The following CHCHD3 variants were observed in gnomAD, a reference collection of about 807,000 sequenced individuals.
CHCHD3 encodes MICOS complex subunit MIC19.
A neutral mutation model predicts 38.2 loss-of-function variants in CHCHD3; 20 were observed. That is an observed-to-expected ratio of 0.52 (90% CI 0.37 to 0.76). The LOEUF is 0.76. CHCHD3 is among the 30% of genes least tolerant of loss of function. The pLI is 0.00. For synonymous variants in CHCHD3, 82 were observed against 100.0 expected, an observed-to-expected ratio of 0.82 and a Z score of 1.07; for missense variants, 245 against 279.2, an observed-to-expected ratio of 0.88 and a Z score of 0.87.
intron 5 of CHCHD3, 127 bp downstream of exon 5, chr7:132,885,535 C>T (rs920992228): frequency 1.7e-4 from 115 of 684,996 alleles, no homozygotes; most frequent in Non-Finnish European, 2.5e-4. Context: ...ACCTGCTTTG[C>T]TTCTTCACTT....
chr7:132,914,488 A>C (rs75971155), intron 4 of CHCHD3, among the ~76,000 whole-genome samples: 1 of 152,232 alleles, frequency 6.6e-6, no homozygotes, highest in African/African-American at 2.4e-5. Flanking sequence ...TATTATGTAC[A>C]TGATTAATAG....
intron 4 of CHCHD3, among the ~76,000 whole-genome samples, chr7:132,970,317 C>T (rs533757167): frequency 6.6e-6 from 1 of 152,342 alleles, no homozygotes; most frequent in East Asian, 1.9e-4. Flanking sequence ...TATTCTTCCC[C>T]ATTTCCTCTC....
intron 6 of CHCHD3, among the ~76,000 whole-genome samples, chr7:132,805,505 G>T (rs1806895626): frequency 6.6e-6 from 1 of 152,098 alleles, no homozygotes. Context: ...GGGTTGGAAG[G>T]GTTGGGTAGT....
chr7:132,815,741 C>G (rs1807186277), intron 6 of CHCHD3: 1 of 326,148 alleles, frequency 3.1e-6, no homozygotes, highest in Non-Finnish European at 6.0e-6. Flanking sequence ...CCTCCTTTCT[C>G]TCCCCTTCCC....
At chr7:132,955,938 C>T (rs1811153759) in intron 4 of CHCHD3, among the ~76,000 whole-genome samples, 1 of 152,148 alleles carries the variant, frequency 6.6e-6, no homozygotes, top group Admixed American at 6.5e-5. Flanking sequence ...TTTCCGAAAA[C>T]TGACTTAGCG....
chr7:132,917,751 C>T (rs527684469), intron 4 of CHCHD3, among the ~76,000 whole-genome samples: 351 of 145,084 alleles, frequency 2.4e-3, no homozygotes, highest in Non-Finnish European at 3.9e-3. Context: ...CCCAGTTACT[C>T]GGGAGGCTGA....
chr7:132,886,123 A>G (rs547440067), intron 4 of CHCHD3, among the ~76,000 whole-genome samples: 2 of 152,128 alleles, frequency 1.3e-5, no homozygotes, highest in Non-Finnish European at 2.9e-5. Context: ...TTGAACAAAA[A>G]AGTAATGCCT....
intron 4 of CHCHD3, among the ~76,000 whole-genome samples, chr7:132,955,777 AT>A (rs1157204609): frequency 6.6e-6 from 1 of 152,122 alleles, no homozygotes; most frequent in Non-Finnish European, 1.5e-5. Context: ...AAGAGCAGAG[AT>A]TTATAACCAA....
intron 3 of CHCHD3, among the ~76,000 whole-genome samples, chr7:132,995,962 T>C (rs1024490496): frequency 6.6e-6 from 1 of 152,142 alleles, no homozygotes; most frequent in African/African-American, 2.4e-5. Context: ...AAATCCCACA[T>C]AGTAGTTGTT....
intron 4 of CHCHD3, among the ~76,000 whole-genome samples, chr7:132,943,693 T>C (rs955965598): frequency 6.8e-4 from 103 of 152,246 alleles, no homozygotes; most frequent in African/African-American, 2.4e-3. Flanking sequence ...GACTGACAGA[T>C]TTGACTATCT....
At chr7:132,944,348 C>A (rs533309424) in intron 4 of CHCHD3, among the ~76,000 whole-genome samples, 6 of 151,050 alleles carry the variant, frequency 4.0e-5, no homozygotes, top group African/African-American at 1.5e-4. Flanking sequence ...TCTGAGAGAG[C>A]AGGAGTGCAG....
At chr7:132,893,020 T>C (rs1287423863) in intron 4 of CHCHD3, among the ~76,000 whole-genome samples, 1 of 152,208 alleles carries the variant, frequency 6.6e-6, no homozygotes, top group Non-Finnish European at 1.5e-5. Flanking sequence ...ACTGGGGCAC[T>C]GCCTAGTGGA....
intron 3 of CHCHD3, among the ~76,000 whole-genome samples, chr7:133,011,717 T>C (rs1812877621): frequency 6.6e-6 from 1 of 151,946 alleles, no homozygotes; most frequent in Admixed American, 6.6e-5. Context: ...AGCAGAGACA[T>C]TAGGGCCAAT....
chr7:133,059,325 T>C (rs929915508), intron 2 of CHCHD3, among the ~76,000 whole-genome samples: 4 of 152,118 alleles, frequency 2.6e-5, no homozygotes, highest in Admixed American at 2.6e-4. Context: ...GACCTACCTC[T>C]AGACACCCTA....
intron 3 of CHCHD3, among the ~76,000 whole-genome samples, chr7:132,996,828 T>A (rs1469500404): frequency 6.6e-6 from 1 of 152,016 alleles, no homozygotes. Context: ...CACCGTGGGG[T>A]GGGACGCAAA....
chr7:132,951,222 A>T (rs1437244065), intron 4 of CHCHD3, among the ~76,000 whole-genome samples: 1 of 152,142 alleles, frequency 6.6e-6, no homozygotes, highest in Non-Finnish European at 1.5e-5. Context: ...CAAGGAGGAA[A>T]CTCCACACAT....
intron 5 of CHCHD3, among the ~76,000 whole-genome samples, chr7:132,871,442 T>C (rs1365426513): frequency 6.6e-6 from 1 of 152,170 alleles, no homozygotes; most frequent in East Asian, 1.9e-4. Flanking sequence ...CACAATTTAT[T>C]ATGGGTTATT....
intron 4 of CHCHD3, among the ~76,000 whole-genome samples, chr7:132,896,937 G>C (rs925349324): frequency 6.6e-6 from 1 of 152,212 alleles, no homozygotes; most frequent in Non-Finnish European, 1.5e-5. Flanking sequence ...TATGGACTTA[G>C]AGCAGGAAGG....
At chr7:132,911,719 A>G (rs1326142638) in intron 4 of CHCHD3, among the ~76,000 whole-genome samples, 1 of 152,212 alleles carries the variant, frequency 6.6e-6, no homozygotes, top group Non-Finnish European at 1.5e-5. Flanking sequence ...ATGGCTTCAT[A>G]GCAACTGCCT....
Sources: gnomAD v4.1 joint callset for allele counts (sites outside exome capture counted in the v4.1 genomes callset) on GRCh38, gnomAD v4.1.1 for gene constraint, MANE v1.5 for transcripts, NCBI Gene and HGNC (gene_info 2026-07-23, HGNC 2026-07-21) for gene names.